CFAP299: variants seen among roughly 807,000 people sequenced by gnomAD.
CFAP299 encodes cilia- and flagella-associated protein 299.
A neutral mutation model predicts 27.0 loss-of-function variants in CFAP299; 21 were observed. The observed-to-expected ratio is 0.78, with a 90% CI of 0.55 to 1.12. CFAP299 has a LOEUF of 1.12. Among genes scored for constraint, CFAP299 ranks in the 50% most tolerant of loss-of-function variants. The pLI is 0.00. For missense variants in CFAP299, 310 were observed against 276.6 expected (o/e 1.12, Z -0.86); for synonymous variants, 104 against 98.1 (o/e 1.06, Z -0.36).
chr4:80,630,087 G>C (rs1577953751), intron 3 of CFAP299, among the ~76,000 whole-genome samples: 1 of 151,980 alleles, frequency 6.6e-6, no homozygotes, highest in African/African-American at 2.4e-5. Flanking sequence ...AGCAAAGAAA[G>C]GCAAAGAGAT....
At position 80,908,010 on chromosome 4, in the gene CFAP299, C is replaced by T. The variant is rs116182997; in HGVS notation, c.477-36800C>T. 3.2e-3 allele frequency among the ~76,000 whole-genome samples: 485 copies of T among 152,226 alleles called. 2 individuals carry two copies. The highest frequency in any genetic ancestry group is 4.2e-3 in the Non-Finnish European group (285 of 68,002). On this transcript the variant is annotated intron_variant, in intron 4 of 5. Coordinates refer to ENST00000358105, the MANE Select transcript of CFAP299 (RefSeq NM_152770.3). ...CTTTGCATGCAGAGTTTCACTGTGGCGAAGGGCTCGTCCATAACATTTTTC... is the reference window on the plus strand; with the variant it reads ...CTTTGCATGCAGAGTTTCACTGTGGTGAAGGGCTCGTCCATAACATTTTTC...
intron 2 of CFAP299, among the ~76,000 whole-genome samples, chr4:80,402,293 G>A (rs1018179382): frequency 2.0e-5 from 3 of 152,146 alleles, no homozygotes; most frequent in African/African-American, 4.8e-5. Context: ...TGATTTGGCT[G>A]TGTCCCCACC....
At chr4:80,806,787 C>T (rs1040639971) in intron 3 of CFAP299, among the ~76,000 whole-genome samples, 2 of 152,198 alleles carry the variant, frequency 1.3e-5, no homozygotes, top group African/African-American at 4.8e-5. Context: ...GGAGGTGCCA[C>T]AGTATCTGTT....
chr4:80,422,600 C>T (rs1047905232), intron 2 of CFAP299, among the ~76,000 whole-genome samples: 1 of 151,906 alleles, frequency 6.6e-6, no homozygotes, highest in African/African-American at 2.4e-5. Context: ...GTATCTTGGG[C>T]CAGGACCAAG....
intron 2 of CFAP299, among the ~76,000 whole-genome samples, chr4:80,484,419 T>C (rs1040033847): frequency 6.6e-6 from 1 of 152,162 alleles, no homozygotes; most frequent in Non-Finnish European, 1.5e-5. Flanking sequence ...AATTAACTTC[T>C]ATCAAAGAAA....
intron 1 of CFAP299, among the ~76,000 whole-genome samples, chr4:80,356,230 C>T (rs1437155415): frequency 2.0e-5 from 3 of 151,864 alleles, no homozygotes; most frequent in Non-Finnish European, 2.9e-5. Flanking sequence ...CATGCTGTTT[C>T]GGTTACTGTA....
At chr4:80,457,995 T>C (rs1729249905) in intron 2 of CFAP299, among the ~76,000 whole-genome samples, 1 of 152,182 alleles carries the variant, frequency 6.6e-6, no homozygotes, top group African/African-American at 2.4e-5. Flanking sequence ...TGTCAAGAAC[T>C]TTGGCACCTG....
intron 2 of CFAP299, among the ~76,000 whole-genome samples, chr4:80,409,944 T>C (rs889878473): frequency 6.6e-6 from 1 of 152,152 alleles, no homozygotes; most frequent in Non-Finnish European, 1.5e-5. Context: ...GGTGTTTGAG[T>C]TTGGCAAGGG....
chr4:80,768,249 G>T (rs184895500), intron 3 of CFAP299, among the ~76,000 whole-genome samples: 1 of 152,066 alleles, frequency 6.6e-6, no homozygotes. Context: ...TCAAGAAGTC[G>T]CATGTTACAC....
chr4:80,606,727 A>C (rs1487611528), intron 3 of CFAP299, among the ~76,000 whole-genome samples: 1 of 152,158 alleles, frequency 6.6e-6, no homozygotes, highest in Non-Finnish European at 1.5e-5. Context: ...TTGTGATATA[A>C]GTTCATACAA....
intron 3 of CFAP299, among the ~76,000 whole-genome samples, chr4:80,861,023 A>G (rs974414498): frequency 2.0e-5 from 3 of 152,218 alleles, no homozygotes; most frequent in Non-Finnish European, 4.4e-5. Flanking sequence ...GGTGGAGCCT[A>G]CAGAGGCAGG....
intron 2 of CFAP299, among the ~76,000 whole-genome samples, chr4:80,492,463 T>C (rs562813809): frequency 2.0e-4 from 31 of 152,180 alleles, no homozygotes; most frequent in Non-Finnish European, 3.7e-4. Flanking sequence ...GCTAGCAGTT[T>C]TGAGGATCCA....
intron 2 of CFAP299, among the ~76,000 whole-genome samples, chr4:80,561,947 T>C (rs180740679): frequency 4.6e-5 from 7 of 152,212 alleles, no homozygotes; most frequent in African/African-American, 1.7e-4. Flanking sequence ...ACAACAACTT[T>C]TTAAGACATG....
intron 4 of CFAP299, among the ~76,000 whole-genome samples, chr4:80,935,186 C>T (rs902159580): frequency 9.2e-5 from 14 of 151,968 alleles, no homozygotes; most frequent in African/African-American, 3.4e-4. Flanking sequence ...TTCCAACTTT[C>T]CTCACATTAT....
intron 3 of CFAP299, among the ~76,000 whole-genome samples, chr4:80,735,402 T>C (rs1358816646): frequency 6.6e-6 from 1 of 152,158 alleles, no homozygotes; most frequent in Non-Finnish European, 1.5e-5. Context: ...ATTTGACTTC[T>C]TCTTTTCCAA....
intron 3 of CFAP299, among the ~76,000 whole-genome samples, chr4:80,771,486 T>G (rs1048742919): frequency 8.6e-6 from 1 of 115,780 alleles, no homozygotes; most frequent in Non-Finnish European, 1.8e-5. Context: ...TCTCAAATAA[T>G]GAAAACTAGT....
intron 3 of CFAP299, among the ~76,000 whole-genome samples, chr4:80,840,225 A>G (rs1730788149): frequency 6.6e-6 from 1 of 152,110 alleles, no homozygotes; most frequent in South Asian, 2.1e-4. Context: ...ACTAGATGGT[A>G]TATGTTGTGT....
At chr4:80,800,370 A>T (rs999714062) in intron 3 of CFAP299, among the ~76,000 whole-genome samples, 2 of 68,436 alleles carry the variant, frequency 2.9e-5, no homozygotes, top group African/African-American at 6.9e-5. Flanking sequence ...TATTAATATA[A>T]TATATATAAT....
chr4:80,840,450 G>A (rs1730802061), intron 3 of CFAP299, among the ~76,000 whole-genome samples: 1 of 152,070 alleles, frequency 6.6e-6, no homozygotes, highest in Non-Finnish European at 1.5e-5. Flanking sequence ...AGTTATCATG[G>A]TTAAGAACAA....
Sources: gnomAD v4.1 joint callset for allele counts (sites outside exome capture counted in the v4.1 genomes callset) on GRCh38, gnomAD v4.1.1 for gene constraint, MANE v1.5 for transcripts, NCBI Gene and HGNC (gene_info 2026-07-23, HGNC 2026-07-21) for gene names.